PAN3: variants seen among roughly 807,000 people sequenced by gnomAD.
PAN3 encodes poly(A) specific ribonuclease subunit PAN3.
PAN3 carries 19 observed loss-of-function variants against 96.2 expected under a neutral mutation model. The observed-to-expected ratio is 0.20, with a 90% CI of 0.14 to 0.29. The LOEUF (loss-of-function observed/expected upper bound fraction) is 0.29, where lower values mean the gene tolerates loss of function less well. Among genes scored for constraint, PAN3 ranks in the 10% least tolerant of loss-of-function variants. PAN3 has a pLI of 1.00. For synonymous variants in PAN3, 433 were observed against 406.6 expected (o/e 1.06, Z -0.78); for missense variants, 882 against 1,108.1 (o/e 0.80, Z 2.90).
rs74881179 is a variant in PAN3, at chr13:28,142,511, A to ATTTTTTTTTTTTT, written c.430+3431_430+3443dup. On this transcript the variant is annotated intron_variant, in intron 1 of 18. Coordinates refer to ENST00000380958, the MANE Select transcript of PAN3 (RefSeq NM_175854.8). The stretch of plus-strand genomic sequence containing the variant: ...TGTGAGGCAGTTAAAATAGATGGCA[A>ATTTTTTTTTTTTT]TTTTTTTTTTTTTTTTTTTGAGACA... Among the ~76,000 whole-genome samples, 401 of 126,602 alleles carry ATTTTTTTTTTTTT rather than the reference A, an allele frequency of 3.2e-3. 16 individuals carry two copies. The highest frequency in any genetic ancestry group is 0.012 in the African/African-American group (376 of 30,868). 83.1% of individuals were successfully genotyped at this position (126,602 alleles called of 152,430 possible). A position where few individuals can be genotyped will look rare whatever the true frequency, so the allele number is the denominator to read the frequency against.
chr13:28,259,230 C>G (rs1166941314), intron 7 of PAN3, among the ~76,000 whole-genome samples: 1 of 151,644 alleles, frequency 6.6e-6, no homozygotes, highest in Non-Finnish European at 1.5e-5. Flanking sequence ...CAGTTTCAAG[C>G]GATTCTCCTG....
intron 4 of PAN3, among the ~76,000 whole-genome samples, chr13:28,181,240 G>T (rs1875726448): frequency 6.6e-6 from 1 of 152,082 alleles, no homozygotes; most frequent in South Asian, 2.1e-4. Flanking sequence ...CTGTTACAAT[G>T]GCTCATGCCT....
chr13:28,158,893 A>C (rs1438196110), intron 1 of PAN3, among the ~76,000 whole-genome samples: 4 of 151,868 alleles, frequency 2.6e-5, no homozygotes, highest in Non-Finnish European at 5.9e-5. Context: ...AAAAAAAAAA[A>C]GCTCAACGTC....
intron 1 of PAN3, among the ~76,000 whole-genome samples, chr13:28,168,251 C>T (rs1873841930): frequency 1.3e-5 from 2 of 152,192 alleles, no homozygotes; most frequent in South Asian, 2.1e-4. Context: ...TTGCATTATA[C>T]CTACTCGCTG....
intron 5 of PAN3, among the ~76,000 whole-genome samples, chr13:28,210,747 A>G (rs1879929577): frequency 6.6e-6 from 1 of 152,176 alleles, no homozygotes; most frequent in South Asian, 2.1e-4. Flanking sequence ...TCATTAAATA[A>G]CAACAACAAA....
chr13:28,283,135 G>C (rs1033067735), intron 17 of PAN3, among the ~76,000 whole-genome samples: 1 of 151,472 alleles, frequency 6.6e-6, no homozygotes, highest in African/African-American at 2.4e-5. Flanking sequence ...TGCAACCCTC[G>C]CCTCCCAGGA....
At chr13:28,251,641 T>C (rs1884727191) in intron 6 of PAN3, among the ~76,000 whole-genome samples, 2 of 152,222 alleles carry the variant, frequency 1.3e-5, no homozygotes, top group Admixed American at 1.3e-4. Context: ...CTTTTTGTTC[T>C]ATGAGCTGAT....
At chr13:28,213,182 TAAAG>T (rs1249758818) in intron 5 of PAN3, among the ~76,000 whole-genome samples, 2 of 151,864 alleles carry the variant, frequency 1.3e-5, no homozygotes, top group Non-Finnish European at 2.9e-5. Context: ...ATAATACAAA[TAAAG>T]AATGCCATAT....
At chr13:28,195,955 C>G (rs913313266) in intron 4 of PAN3, among the ~76,000 whole-genome samples, 1 of 150,450 alleles carries the variant, frequency 6.6e-6, no homozygotes, top group Non-Finnish European at 1.5e-5. Context: ...GAAATTATGT[C>G]TTTTTTAAAT....
chr13:28,176,556 C>T lies in PAN3; in HGVS notation c.616C>T (p.His206Tyr), dbSNP rs773041731. The T allele has an allele frequency of 9.3e-6, 15 of 1,613,134 alleles. No homozygotes were observed. Among genetic ancestry groups the T allele is most frequent in the Non-Finnish European group, 1.2e-5 (14 of 1,179,258 alleles). ...LNDSAKPYSA[H>Y]DPLTSPASSL... is the part of the protein sequence containing the mutation. The stretch of plus-strand genomic sequence containing the variant: ...TGACAGTGCCAAGCCATATTCAGCC[C>T]ATGGTAAGACCTGATCCCTTTTGCT... Residue 206 changes from histidine to tyrosine, a missense_variant, in exon 3 of 19, where the codon CAT (histidine) becomes TAT (tyrosine). Coordinates refer to ENST00000380958, the MANE Select transcript of PAN3 (RefSeq NM_175854.8).
chr13:28,264,101 T>C (rs2138634639), intron 9 of PAN3, among the ~76,000 whole-genome samples: 1 of 152,308 alleles, frequency 6.6e-6, no homozygotes, highest in Non-Finnish European at 1.5e-5. Flanking sequence ...TAGGAAATAT[T>C]TTTTTCCTTA....
chr13:28,228,623 CTAG>C lies in PAN3; in HGVS notation c.1000+8250_1000+8252del, dbSNP rs551798474. Among the ~76,000 whole-genome samples, 356 of 152,180 alleles carry C rather than the reference CTAG, an allele frequency of 2.3e-3. 1 individual carries two copies. Among genetic ancestry groups the C allele is most frequent in the African/African-American group, 8.2e-3 (341 of 41,522 alleles). On this transcript the variant is annotated intron_variant, in intron 6 of 18. Transcript: ENST00000380958. The stretch of plus-strand genomic sequence containing the variant: ...TATCCCTATACATAGTAACTAATAA[CTAG>C]TAGTCATTTGGTGGGGGTACCTTTG...
At chr13:28,191,877 C>CTA (rs1877307541) in intron 4 of PAN3, among the ~76,000 whole-genome samples, 1 of 151,750 alleles carries the variant, frequency 6.6e-6, no homozygotes, top group South Asian at 2.1e-4. Context: ...GTAGGTGGGA[C>CTA]TATAGGCATG....
At chr13:28,161,962 T>G (rs1394569885) in intron 1 of PAN3, among the ~76,000 whole-genome samples, 1 of 152,150 alleles carries the variant, frequency 6.6e-6, no homozygotes, top group Admixed American at 6.5e-5. Context: ...TATTTTAAAA[T>G]TAAAAAGAGA....
intron 4 of PAN3, among the ~76,000 whole-genome samples, chr13:28,184,972 C>G (rs117928059): frequency 6.6e-6 from 1 of 152,238 alleles, no homozygotes; most frequent in East Asian, 1.9e-4. Context: ...CATGCTTACT[C>G]TGTTTCTCTC....
intron 4 of PAN3, among the ~76,000 whole-genome samples, chr13:28,191,292 C>T (rs1877228134): frequency 6.6e-6 from 1 of 152,172 alleles, no homozygotes; most frequent in Non-Finnish European, 1.5e-5. Context: ...TTTTAACCTA[C>T]CAGATGTTGC....
Position 28,206,473 on chromosome 13 carries a change from C to T in PAN3, c.852+9127C>T, listed in dbSNP as rs140359695. Among the ~76,000 whole-genome samples the T allele has an allele frequency of 3.3e-3, 499 of 151,826 alleles. 2 individuals carry two copies. Among genetic ancestry groups the T allele is most frequent in the African/African-American group, 0.011 (459 of 41,388 alleles). ...CAAGTAGCTGGGACTACAGGCTGCACCACCACACCCGGCTAATTTTGTATA... is the reference window on the plus strand; with the variant it reads ...CAAGTAGCTGGGACTACAGGCTGCATCACCACACCCGGCTAATTTTGTATA... On this transcript the variant is annotated intron_variant, in intron 5 of 18. Coordinates refer to ENST00000380958, the MANE Select transcript of PAN3 (RefSeq NM_175854.8).
intron 18 of PAN3, 140 bp from the exon 19 acceptor site, chr13:28,292,242 A>G (rs917360874): frequency 1.6e-5 from 13 of 793,002 alleles, no homozygotes; most frequent in East Asian, 1.4e-4. Flanking sequence ...ATACTGATGA[A>G]TGATATAAAT....
At chr13:28,224,098 C>T (rs1206943717) in intron 6 of PAN3, among the ~76,000 whole-genome samples, 1 of 151,984 alleles carries the variant, frequency 6.6e-6, no homozygotes, top group East Asian at 1.9e-4. Flanking sequence ...GTCTCGATCT[C>T]CTGACTTCGT....
Sources: gnomAD v4.1 joint callset for allele counts (sites outside exome capture counted in the v4.1 genomes callset) on GRCh38, gnomAD v4.1.1 for gene constraint, MANE v1.5 for transcripts, NCBI Gene and HGNC (gene_info 2026-07-23, HGNC 2026-07-21) for gene names.